The following NSUN7 variants were observed in gnomAD, a reference collection of about 807,000 sequenced individuals.
NSUN7 encodes the protein NOP2/Sun RNA methyltransferase family member 7.
A neutral mutation model predicts 58.5 loss-of-function variants in NSUN7; 39 were observed. The observed-to-expected ratio is 0.67, with a 90% CI of 0.52 to 0.87. The LOEUF (loss-of-function observed/expected upper bound fraction) is 0.87. NSUN7 is among the 40% of genes least tolerant of loss of function. The pLI is 0.00. For synonymous variants in NSUN7, 278 were observed against 303.7 expected (o/e 0.92, Z 0.88); for missense variants, 765 against 844.1 (o/e 0.91, Z 1.16).
In NSUN7 at chr4:40,774,752, G is replaced by A; in HGVS notation, c.642-15G>A. ...ATTATATTTGTAATTACAAGCTAAT[G>A]TTGTATATTTACAGCCCTGAAGAAG... On this transcript the variant is annotated splice_polypyrimidine_tract_variant and intron_variant, in intron 5 of 11. Transcript: ENST00000381782. 2 of 1,425,914 alleles carry A rather than the reference G, an allele frequency of 1.4e-6. No homozygotes were observed. Among genetic ancestry groups the A allele is most frequent in the Non-Finnish European group, 1.9e-6 (2 of 1,041,332 alleles). The allele number at this position is 1,425,914 out of a possible 1,614,324, so 88.3% of individuals were successfully genotyped here.
chr4:40,798,179 T>C (rs1743404751), intron 9 of NSUN7, among the ~76,000 whole-genome samples: 1 of 152,234 alleles, frequency 6.6e-6, no homozygotes, highest in South Asian at 2.1e-4. Context: ...TATCTCTGTC[T>C]TACTGTCTTT....
chr4:40,771,800 C>T, intron 4 of NSUN7, among the ~76,000 whole-genome samples: 1 of 149,832 alleles, frequency 6.7e-6, no homozygotes, highest in East Asian at 2.0e-4. Flanking sequence ...GTGTGTGTAA[C>T]TGGGATGATG....
intron 10 of NSUN7, among the ~76,000 whole-genome samples, chr4:40,803,114 A>G (rs1304832411): frequency 1.3e-5 from 2 of 151,060 alleles, no homozygotes; most frequent in Non-Finnish European, 2.9e-5. Context: ...AAGGACATGA[A>G]CTCATCATTT....
intron 7 of NSUN7, among the ~76,000 whole-genome samples, chr4:40,779,877 G>A (rs1174744369): frequency 6.6e-6 from 1 of 152,094 alleles, no homozygotes. Flanking sequence ...AGTCAATGAT[G>A]TTTGCTATAA....
Position 40,808,355 on chromosome 4 carries a change from G to A in NSUN7, c.1573G>A (p.Ala525Thr), listed in dbSNP as rs763015700. ...TGTGAATGATGTTTTGGCCCGAGCT[G>A]CAGCCAAGGGTCTGCTGGATGGGAT... Reference protein sequence around the residue: ...VSVNDVLARAAAKGLLDGIEL... With the variant: ...VSVNDVLARATAKGLLDGIEL... The change falls in exon 12 of 12, where the codon GCA becomes ACA. Residue 525 changes from alanine (A) to threonine (T), a missense_variant. By Grantham distance (58) the Ala-to-Thr change is moderately conservative. Coordinates refer to ENST00000381782, the MANE Select transcript of NSUN7 (RefSeq NM_024677.6). 2 of 1,614,104 alleles carry A rather than the reference G, an allele frequency of 1.2e-6. No individual in the cohort carries two copies. The highest frequency in any genetic ancestry group is 1.7e-6 in the Non-Finnish European group (2 of 1,180,002).
chr4:40,761,407 G>C (rs1012987357), intron 4 of NSUN7, 106 bp downstream of exon 4: 3 of 848,702 alleles, frequency 3.5e-6, no homozygotes, highest in African/African-American at 1.8e-5. Context: ...AATTTTATAG[G>C]GAAAAATATA....
Position 40,760,511 on chromosome 4 carries a change from G to C in NSUN7, c.357+19G>C, listed in dbSNP as rs1352145977. 5 of 1,531,134 alleles carry C rather than the reference G, an allele frequency of 3.3e-6. No homozygotes were observed. The African/African-American group carries it at 6.9e-5, about 21-fold the overall frequency. 94.8% of individuals were successfully genotyped at this position (1,531,134 alleles called of 1,614,324 possible). A position where few individuals can be genotyped will look rare whatever the true frequency, so the allele number is the denominator to read the frequency against. ...CACAATAGTAAGTAGATAAGTTTTAGAATTACATCGTTTCATGATTTTTTT... is the reference window on the plus strand; with the variant it reads ...CACAATAGTAAGTAGATAAGTTTTACAATTACATCGTTTCATGATTTTTTT... On this transcript the variant is annotated intron_variant, in intron 3 of 11. Coordinates refer to ENST00000381782, the MANE Select transcript of NSUN7 (RefSeq NM_024677.6).
chr4:40,757,476 G>A (rs911301153), intron 2 of NSUN7, among the ~76,000 whole-genome samples: 47 of 150,024 alleles, frequency 3.1e-4, no homozygotes, highest in African/African-American at 1.1e-3. Context: ...GTAAGGCAAG[G>A]AGCATCTGTA....
chr4:40,773,697 A>AG (rs1436128701), intron 4 of NSUN7, among the ~76,000 whole-genome samples: 1 of 151,918 alleles, frequency 6.6e-6, no homozygotes, highest in African/African-American at 2.4e-5. Flanking sequence ...AAAAAAAAAA[A>AG]GTTTGTCTTT....
At chr4:40,796,033 C>T (rs1743309898) in intron 9 of NSUN7, among the ~76,000 whole-genome samples, 1 of 152,114 alleles carries the variant, frequency 6.6e-6, no homozygotes, top group African/African-American at 2.4e-5. Context: ...ATTCCCTTAC[C>T]CTCTAAGACT....
intron 2 of NSUN7, among the ~76,000 whole-genome samples, chr4:40,757,731 C>CTGTGTATATATAT (rs1364188755): frequency 6.9e-6 from 1 of 144,364 alleles, no homozygotes; most frequent in Admixed American, 6.9e-5. Context: ...TATATACACA[C>CTGTGTATATATAT]ACACACACAC....
intron 4 of NSUN7, among the ~76,000 whole-genome samples, chr4:40,772,201 A>T (rs1742046355): frequency 6.6e-6 from 1 of 152,164 alleles, no homozygotes; most frequent in Admixed American, 6.6e-5. Flanking sequence ...TACACAGCAC[A>T]TGTATATTTC....
intron 7 of NSUN7, among the ~76,000 whole-genome samples, chr4:40,787,346 TAAA>T: frequency 7.0e-6 from 1 of 143,822 alleles, no homozygotes; most frequent in East Asian, 2.0e-4. Context: ...AATAAAAAAA[TAAA>T]AAAAGTGATT....
chr4:40,797,082 C>T (rs758788373), intron 9 of NSUN7, among the ~76,000 whole-genome samples: 4 of 152,104 alleles, frequency 2.6e-5, no homozygotes, highest in Non-Finnish European at 2.9e-5. Flanking sequence ...CAGAAGTGGT[C>T]GCTTCCTCTC....
Position 40,790,648 on chromosome 4 carries a change from TC to T in NSUN7, c.1084del (p.His362ThrfsTer8), listed in dbSNP as rs1241789074. ...AATTTATTAACATTGAATCAAAGGA[TC>T]ACAGGTTACAGAAAGTTAAAGTGAT... Reference protein sequence around the residue: ...EKFINIESKDHRLQKVKVILL... With the variant: ...EKFINIESKDXRLQKVKVILL... On this transcript the variant is annotated frameshift_variant, in exon 8 of 12. Transcript: ENST00000381782. LOFTEE classifies it high-confidence loss of function. 6.3e-7 allele frequency: 1 copy of T among 1,595,712 alleles called. No individual in the cohort carries two copies. Among genetic ancestry groups the T allele is most frequent in the Non-Finnish European group, 8.6e-7 (1 of 1,167,598 alleles).
intron 4 of NSUN7, 112 bp downstream of exon 4, chr4:40,761,413 A>G (rs1316655265): frequency 3.6e-6 from 3 of 824,904 alleles, no homozygotes; most frequent in African/African-American, 3.6e-5. Flanking sequence ...ATAGGGAAAA[A>G]TATAAAAATT....
At chr4:40,780,792 CATATATATATAT>C (rs765088042) in intron 7 of NSUN7, among the ~76,000 whole-genome samples, 1 of 98,770 alleles carries the variant, frequency 1.0e-5, no homozygotes, top group African/African-American at 4.0e-5. Context: ...CACACATACA[CATATATATATAT>C]ATATATATAT....
intron 8 of NSUN7, among the ~76,000 whole-genome samples, chr4:40,793,706 CCT>C: frequency 6.6e-6 from 1 of 152,198 alleles, no homozygotes; most frequent in African/African-American, 2.4e-5. Context: ...AGCTATATAA[CCT>C]TAGACAAGTT....
chr4:40,757,000 G>A (rs574529154), intron 2 of NSUN7, among the ~76,000 whole-genome samples: 2 of 152,316 alleles, frequency 1.3e-5, no homozygotes, highest in South Asian at 4.1e-4. Flanking sequence ...GGAGGCCAAG[G>A]TGGGTGGATC....
Sources: gnomAD v4.1 joint callset for allele counts (sites outside exome capture counted in the v4.1 genomes callset) on GRCh38, gnomAD v4.1.1 for gene constraint, MANE v1.5 for transcripts, NCBI Gene and HGNC (gene_info 2026-07-23, HGNC 2026-07-21) for gene names.